Variants in ABHD2 observed in about 807,000 individuals in gnomAD.
ABHD2 encodes the protein monoacylglycerol lipase ABHD2.
Under a neutral mutation model 48.1 loss-of-function variants are expected in ABHD2, and 20 were observed. The observed-to-expected ratio is 0.42, with a 90% CI of 0.29 to 0.60. The LOEUF (loss-of-function observed/expected upper bound fraction) is 0.60, where lower values mean the gene tolerates loss of function less well. Among genes scored for constraint, ABHD2 ranks in the 20% least tolerant of loss-of-function variants. The pLI is 0.24. For missense variants in ABHD2, 405 were observed against 550.9 expected, an observed-to-expected ratio of 0.74 and a Z score of 2.65; for synonymous variants, 209 against 214.2, an observed-to-expected ratio of 0.98 and a Z score of 0.21.
At chr15:89,193,356 G>T in intron 10 of ABHD2, 37 bp downstream of exon 10, 6 of 1,555,572 alleles carry the variant, frequency 3.9e-6, no homozygotes, top group Non-Finnish European at 5.3e-6. Context: ...CAACAGCTCA[G>T]CAAGTTGCCA....
At chr15:89,051,300 A>G in the ABHD2 span, among the ~76,000 whole-genome samples, 649 of 152,280 alleles carry the variant, frequency 4.3e-3, 4 homozygotes, top group African/African-American at 0.015. Flanking sequence ...TGCTTCATAA[A>G]TCCTATATAC....
chr15:89,067,322 T>C, the ABHD2 span, among the ~76,000 whole-genome samples: 2 of 152,230 alleles, frequency 1.3e-5, no homozygotes, highest in Non-Finnish European at 1.5e-5. Flanking sequence ...GCATTTTCTT[T>C]GAAGCATATG....
chr15:89,071,232 C>T, the ABHD2 span, among the ~76,000 whole-genome samples: 1 of 152,170 alleles, frequency 6.6e-6, no homozygotes, highest in South Asian at 2.1e-4. Flanking sequence ...CCAGCCTGGC[C>T]AACATGGTGA....
rs1224110555 is a variant in ABHD2 at position 89,155,777 on chromosome 15, T to A, written c.538+243T>A. ...AGAAACTGAAGCTTACAGGGGAAAG[T>A]CTTGCCCAAGGTCCCCTAGCTAGTA... On this transcript the variant is annotated intron_variant, in intron 5 of 10. Transcript: ENST00000352732. The surrounding 1 kb of genome is among the most constrained non-coding windows in gnomAD (Gnocchi z 4.9). Among the ~76,000 whole-genome samples, 2 of 152,130 alleles carry A rather than the reference T, an allele frequency of 1.3e-5. No individual in the cohort carries two copies. The highest frequency in any genetic ancestry group is 2.9e-5 in the Non-Finnish European group (2 of 68,012).
intron 1 of ABHD2, among the ~76,000 whole-genome samples, chr15:89,098,791 C>T (rs147993364): frequency 5.3e-5 from 8 of 152,308 alleles, no homozygotes; most frequent in East Asian, 1.9e-4. Context: ...TATTTATTGA[C>T]TCTACATATA....
chr15:89,129,728 C>T (rs538436552), intron 3 of ABHD2, among the ~76,000 whole-genome samples: 1 of 151,642 alleles, frequency 6.6e-6, no homozygotes, highest in East Asian at 1.9e-4. Flanking sequence ...CCTTGCCGAG[C>T]TTCTATTTCC....
intron 3 of ABHD2, among the ~76,000 whole-genome samples, chr15:89,134,085 G>A (rs1355250562): frequency 2.0e-5 from 3 of 151,962 alleles, no homozygotes; most frequent in Admixed American, 6.6e-5. Context: ...TGATCCTCCC[G>A]CCTCAGCCTC....
At chr15:89,068,984 G>A in the ABHD2 span, among the ~76,000 whole-genome samples, 1 of 151,492 alleles carries the variant, frequency 6.6e-6, no homozygotes, top group African/African-American at 2.4e-5. Flanking sequence ...GGCCAGGCTG[G>A]TCTTGAACTC....
At chr15:89,074,375 G>GAA in the ABHD2 span, among the ~76,000 whole-genome samples, 3 of 138,832 alleles carry the variant, frequency 2.2e-5, no homozygotes, top group African/African-American at 2.6e-5. Context: ...AACTCCATCT[G>GAA]AAAAAAAAAA....
chr15:89,159,593 A>T (rs912200752), intron 5 of ABHD2, among the ~76,000 whole-genome samples: 1 of 152,090 alleles, frequency 6.6e-6, no homozygotes, highest in African/African-American at 2.4e-5. Context: ...TAGACAGGGG[A>T]GTGCGCTATG....
At chr15:89,058,770 A>G in the ABHD2 span, among the ~76,000 whole-genome samples, 1 of 152,166 alleles carries the variant, frequency 6.6e-6, no homozygotes. Flanking sequence ...AGACAAGACC[A>G]TAGTATCTGC....
rs879568363 is a variant in ABHD2 at position 89,195,683 on chromosome 15, T to A, written c.*260T>A. On this transcript the variant is annotated 3_prime_UTR_variant, in exon 11 of 11. Transcript: ENST00000352732. This position sits in a 1 kb window ranked among gnomAD's most constrained non-coding sequence, Gnocchi z 5.1. ...GACAGAGTTCTTGCCCTCTGTCCAG[T>A]TTCAGCATCTGGTTGCTTTTAAGCC... 2 of 404,034 alleles carry A rather than the reference T, an allele frequency of 5.0e-6. No individual in the cohort carries two copies. Among genetic ancestry groups the A allele is most frequent in the Non-Finnish European group, 8.8e-6 (2 of 226,038 alleles). 25.0% of individuals were successfully genotyped at this position (404,034 alleles called of 1,614,324 possible). A position where few individuals can be genotyped will look rare whatever the true frequency, so the allele number is the denominator to read the frequency against.
chr15:89,163,741 A>G (rs1426998475), intron 5 of ABHD2, among the ~76,000 whole-genome samples: 1 of 152,234 alleles, frequency 6.6e-6, no homozygotes, highest in Non-Finnish European at 1.5e-5. Flanking sequence ...CTGTTCTGAT[A>G]GCTGTCACTT....
chr15:89,043,554 G>A, the ABHD2 span, among the ~76,000 whole-genome samples: 1 of 149,376 alleles, frequency 6.7e-6, no homozygotes, highest in African/African-American at 2.5e-5. Flanking sequence ...AGAGGAAGGA[G>A]GAGGAGAGGA....
At chr15:89,048,910 T>TCTCCGTCCAGCTC in the ABHD2 span, among the ~76,000 whole-genome samples, 3 of 140,704 alleles carry the variant, frequency 2.1e-5, no homozygotes, top group Admixed American at 7.0e-5. Context: ...TCAAAGTCAT[T>TCTCCGTCCAGCTC]TGTTCCGTTG....
rs111282957 is a variant in ABHD2, at chr15:89,094,208, T to G, written c.-107+5645T>G. ...GGCCCGATCTCGGTGCACTGCAACC[T>G]CTGCTTCCCGGGTTCAAGCGATTTT... On this transcript the variant is annotated intron_variant, in intron 1 of 10. Coordinates refer to ENST00000352732, the MANE Select transcript of ABHD2 (RefSeq NM_152924.5). The surrounding 1 kb of genome is among the most constrained non-coding windows in gnomAD (Gnocchi z 4.7). The G allele has an allele frequency of 0.062, 9,431 of 152,184 alleles. 959 individuals are homozygous for G. The highest frequency in any genetic ancestry group is 0.21 in the African/African-American group (8,707 of 41,474). The allele number at this position is 152,184 out of a possible 1,614,324, so 9.4% of individuals were successfully genotyped here.
chr15:89,170,840 G>A lies in ABHD2; in HGVS notation c.539-4972G>A, dbSNP rs189530869. On this transcript the variant is annotated intron_variant, in intron 5 of 10. Coordinates refer to ENST00000352732, the MANE Select transcript of ABHD2 (RefSeq NM_152924.5). ...GCACTTTTAAAAGACAAAAGAGGCC[G>A]GGCGCGGTGGCTCACACCTGTAATC... Among the ~76,000 whole-genome samples the A allele has an allele frequency of 4.6e-5, 7 of 152,262 alleles. No individual in the cohort carries two copies. In the East Asian group the frequency reaches 5.8e-4, roughly 13 times the overall value.
chr15:89,159,741 A>G (rs761812679), intron 5 of ABHD2, among the ~76,000 whole-genome samples: 24 of 151,600 alleles, frequency 1.6e-4, no homozygotes, highest in African/African-American at 3.9e-4. Flanking sequence ...CAGGCCCCCA[A>G]TTTTGAAAAT....
chr15:89,054,269 C>A, the ABHD2 span, among the ~76,000 whole-genome samples: 1 of 150,776 alleles, frequency 6.6e-6, no homozygotes, highest in East Asian at 1.9e-4. Flanking sequence ...TTGCAGTGAG[C>A]CGAGATAGCA....
Sources: gnomAD v4.1 joint callset for allele counts (sites outside exome capture counted in the v4.1 genomes callset) on GRCh38, gnomAD v4.1.1 for gene constraint, Gnocchi (gnomAD v3.1) non-coding constraint, MANE v1.5 for transcripts, NCBI Gene and HGNC (gene_info 2026-07-23, HGNC 2026-07-21) for gene names.